Variants in CACNA1A observed in about 807,000 individuals in gnomAD.
The protein encoded by CACNA1A is voltage-dependent P/Q-type calcium channel subunit alpha-1A.
CACNA1A carries 57 observed loss-of-function variants against 262.4 expected under a neutral mutation model. The observed-to-expected ratio is 0.22, with a 90% confidence interval of 0.18 to 0.27. The LOEUF (loss-of-function observed/expected upper bound fraction) is 0.27, where lower values mean the gene tolerates loss of function less well. Ranked by LOEUF, CACNA1A falls within the 10% of genes least tolerant of loss-of-function variation. The probability of loss-of-function intolerance (pLI) is 1.00; values close to 1 mark genes in which losing one functional copy is unlikely to be tolerated. For synonymous variants in CACNA1A, 1,431 were observed against 1,419.3 expected (o/e 1.01, Z -0.18); for missense variants, 2,526 against 3,562.8 (o/e 0.71, Z 7.41).
chr19:13,432,693 T>C (rs947666117), intron 3 of CACNA1A, among the ~76,000 whole-genome samples: 5 of 152,158 alleles, frequency 3.3e-5, no homozygotes, highest in Admixed American at 1.3e-4. Context: ...ACATAAGGTA[T>C]TGTATATTTC....
chr19:13,320,929 G>A (rs903856825), intron 10 of CACNA1A, among the ~76,000 whole-genome samples: 3 of 151,540 alleles, frequency 2.0e-5, no homozygotes, highest in Non-Finnish European at 4.4e-5. Flanking sequence ...ATTCCCAGCC[G>A]GACGTGTTAT....
chr19:13,286,673 G>A lies in CACNA1A; in HGVS notation c.3383C>T (p.Pro1128Leu), dbSNP rs754208553. The change falls in exon 20 of 47, where the codon CCG (proline) becomes CTG (leucine). Residue 1128 changes from proline (P) to leucine (L), a missense_variant. Pro to Leu is a moderately conservative substitution (Grantham distance 98). Around this residue, in one of 17 missense-constraint regions of CACNA1A, gnomAD observed 765 missense variants for 748.6 expected, o/e 1.02. Transcript: ENST00000360228. The part of the protein sequence containing the change: ...NAASRRTPNN[P>L]GNPSNPGPPK... The stretch of plus-strand genomic sequence containing the variant: ...GGGGCCGGGATTGGATGGGTTCCCC[G>A]GGTTGTTGGGCGTCCGGCGGCTGGC... 5.8e-6 allele frequency: 9 copies of A among 1,564,928 alleles called. No homozygotes were observed. Among genetic ancestry groups the A allele is most frequent in the African/African-American group, 2.7e-5 (2 of 73,780 alleles).
At chr19:13,293,424 C>T (rs1295637772) in intron 19 of CACNA1A, among the ~76,000 whole-genome samples, 1 of 141,662 alleles carries the variant, frequency 7.1e-6, no homozygotes, top group Non-Finnish European at 1.5e-5. Context: ...TTTACACGTA[C>T]TAACTCAGTT....
intron 1 of CACNA1A, among the ~76,000 whole-genome samples, chr19:13,497,572 ATAT>A (rs1981835794): frequency 2.6e-5 from 1 of 38,930 alleles, no homozygotes; most frequent in Non-Finnish European, 4.6e-5. Context: ...ATATATATAT[ATAT>A]ATATAAATTT....
At chr19:13,443,309 GTATT>G (rs1301459467) in intron 3 of CACNA1A, among the ~76,000 whole-genome samples, 5 of 152,018 alleles carry the variant, frequency 3.3e-5, no homozygotes, top group African/African-American at 7.2e-5. Flanking sequence ...AATAATAATA[GTATT>G]TATTTAACCT....
At chr19:13,438,904 A>G (rs1171387158) in intron 3 of CACNA1A, among the ~76,000 whole-genome samples, 1 of 151,992 alleles carries the variant, frequency 6.6e-6, no homozygotes, top group Non-Finnish European at 1.5e-5. Context: ...ACACCCGACT[A>G]ATTTTTATAT....
intron 38 of CACNA1A, among the ~76,000 whole-genome samples, chr19:13,216,187 A>G (rs1351279317): frequency 6.6e-6 from 1 of 152,110 alleles, no homozygotes; most frequent in Non-Finnish European, 1.5e-5. Context: ...GTGAGTCATT[A>G]AAGCTCTCTG....
At chr19:13,334,539 T>C in intron 7 of CACNA1A, 46 bp from the exon 8 acceptor site, 1 of 989,262 alleles carries the variant, frequency 1.0e-6, no homozygotes. Flanking sequence ...TTGAAAATGT[T>C]AGGAAACGTT....
chr19:13,207,103 G>A lies in CACNA1A; in HGVS notation c.*210C>T, dbSNP rs1376611847. 30 of 441,856 alleles carry A rather than the reference G, an allele frequency of 6.8e-5. No homozygotes were observed. The Admixed American group carries it at 1.3e-3, about 19-fold the overall frequency. 27.4% of individuals were successfully genotyped at this position (441,856 alleles called of 1,614,324 possible). A position where few individuals can be genotyped will look rare whatever the true frequency, so the allele number is the denominator to read the frequency against. ...GGGGGATCGGGGCTGGTTGGGGGGC[G>A]CCGTGGCTGCCCAGGAGGGTCTCTT... is the stretch of plus-strand genomic sequence containing the variant. On this transcript the variant is annotated 3_prime_UTR_variant, in exon 47 of 47. Coordinates refer to ENST00000360228, the MANE Select transcript of CACNA1A (RefSeq NM_001127222.2). The surrounding 1 kb of genome is among the most constrained non-coding windows in gnomAD (Gnocchi z 5.7).
At chr19:13,277,186 G>C (rs989095020) in intron 22 of CACNA1A, 58 bp from the exon 23 acceptor site, 3 of 1,245,954 alleles carry the variant, frequency 2.4e-6, no homozygotes, top group Non-Finnish European at 3.5e-6. Context: ...GCAGAGCCCC[G>C]GTAAAACTAA....
At chr19:13,431,296 G>C (rs765744487) in intron 3 of CACNA1A, among the ~76,000 whole-genome samples, 25 of 152,160 alleles carry the variant, frequency 1.6e-4, no homozygotes, top group Middle Eastern at 3.4e-3. Context: ...GGCTGGACCG[G>C]GGTGGGGCTG....
intron 17 of CACNA1A, among the ~76,000 whole-genome samples, chr19:13,301,986 TA>T (rs887779906): frequency 1.3e-5 from 2 of 150,062 alleles, no homozygotes; most frequent in African/African-American, 4.9e-5. Context: ...GCTCCCCAAA[TA>T]ATCTATAGAA....
intron 4 of CACNA1A, chr19:13,371,437 G>A: frequency 4.1e-6 from 2 of 486,064 alleles, no homozygotes; most frequent in Middle Eastern, 5.6e-4. Flanking sequence ...GATCACACGT[G>A]GTGCTTAGCA....
chr19:13,460,836 C>T (rs58955528), intron 1 of CACNA1A, among the ~76,000 whole-genome samples: 52,155 of 151,604 alleles, frequency 0.34, 9,137 homozygotes, highest in Middle Eastern at 0.41. Flanking sequence ...AAGGTCACAT[C>T]CATCAACCCC....
intron 4 of CACNA1A, chr19:13,370,867 G>A (rs887069152): frequency 1.3e-5 from 2 of 152,080 alleles, no homozygotes; most frequent in African/African-American, 4.8e-5. Flanking sequence ...TTACAGGCAT[G>A]AGCCACCATG....
At chr19:13,427,947 T>C (rs941990091) in intron 3 of CACNA1A, among the ~76,000 whole-genome samples, 2 of 151,974 alleles carry the variant, frequency 1.3e-5, no homozygotes, top group Non-Finnish European at 2.9e-5. Context: ...AACAGGTTGT[T>C]TTTTTTTGTG....
chr19:13,444,485 G>A (rs745747595), intron 3 of CACNA1A, among the ~76,000 whole-genome samples: 4 of 152,096 alleles, frequency 2.6e-5, no homozygotes, highest in Admixed American at 6.6e-5. Flanking sequence ...GACATGAGAG[G>A]TGTATGGTCA....
chr19:13,250,003 C>T (rs954603964), intron 30 of CACNA1A, among the ~76,000 whole-genome samples: 2 of 152,056 alleles, frequency 1.3e-5, no homozygotes, highest in Non-Finnish European at 2.9e-5. Flanking sequence ...CACTGGGGAC[C>T]TTCAAGAATT....
chr19:13,421,366 G>GCCTATCCCC (rs2060312544), intron 3 of CACNA1A, among the ~76,000 whole-genome samples: 2 of 152,106 alleles, frequency 1.3e-5, no homozygotes, highest in African/African-American at 4.8e-5. Context: ...AGTCATGGGG[G>GCCTATCCCC]ATAGGACAAT....
Sources: allele counts gnomAD v4.1 joint callset (sites outside exome capture counted in the v4.1 genomes callset), GRCh38; gene constraint gnomAD v4.1.1; regional missense constraint gnomAD v4.1.1; non-coding constraint Gnocchi (gnomAD v3.1); transcripts MANE v1.5; gene names NCBI Gene and HGNC (gene_info 2026-07-23, HGNC 2026-07-21).